The following TTLL5 variants were observed in gnomAD, a reference collection of about 807,000 sequenced individuals.
The protein encoded by TTLL5 is tubulin polyglutamylase TTLL5.
TTLL5 carries 132 observed loss-of-function variants against 168.4 expected under a neutral mutation model. That is an observed-to-expected ratio of 0.78 (90% CI 0.68 to 0.91). The LOEUF (loss-of-function observed/expected upper bound fraction) is 0.91. TTLL5 is among the 40% of genes least tolerant of loss of function. The pLI, the probability that TTLL5 is intolerant of heterozygous loss-of-function variation, is 0.00. For missense variants in TTLL5, 1,545 were observed against 1,581.5 expected, an observed-to-expected ratio of 0.98 and a Z score of 0.39; for synonymous variants, 546 against 558.6, an observed-to-expected ratio of 0.98 and a Z score of 0.32.
chr14:75,707,593 T>G (rs957541441), intron 8 of TTLL5, 30 bp from the exon 9 acceptor site: 1 of 1,597,984 alleles, frequency 6.3e-7, no homozygotes, highest in Non-Finnish European at 8.5e-7. Context: ...ACTTAGTTTT[T>G]TTTTGTGAAT....
intron 5 of TTLL5, chr14:75,684,511 CAT>C (rs1272085779): frequency 3.9e-5 from 6 of 152,154 alleles, no homozygotes; most frequent in Non-Finnish European, 7.3e-5. Flanking sequence ...GATCATTAAA[CAT>C]AATTTTGATG....
chr14:75,733,452 G>A (rs1191693029), intron 13 of TTLL5, among the ~76,000 whole-genome samples: 2 of 151,514 alleles, frequency 1.3e-5, no homozygotes, highest in Admixed American at 6.6e-5. Flanking sequence ...GGTATAACTT[G>A]TATTTTTTTT....
At chr14:75,919,509 T>C (rs960641846) in intron 31 of TTLL5, among the ~76,000 whole-genome samples, 11 of 152,192 alleles carry the variant, frequency 7.2e-5, no homozygotes, top group Non-Finnish European at 1.5e-4. Flanking sequence ...AACTATTCAG[T>C]GGTACCAAGA....
chr14:75,726,662 A>G lies in TTLL5; in HGVS notation c.1043-5676A>G, dbSNP rs771358194. Among the ~76,000 whole-genome samples the G allele has an allele frequency of 4.6e-5, 7 of 152,314 alleles. No individual in the cohort carries two copies. In the East Asian group the frequency reaches 5.8e-4, roughly 13 times the overall value. On this transcript the variant is annotated intron_variant, in intron 12 of 31. Transcript: ENST00000298832. ...AGCAAGAATGTAGTATGCAACATAC[A>G]GTGTCATGACAGGATGTGATATTTT...
At position 75,863,635 on chromosome 14, in the gene TTLL5, A is replaced by T; in HGVS notation, c.3327-32A>T. Reference sequence around the variant, plus strand: ...CTCTAGATTGTTCATACAGCCACTCACTCTAAGAAACCTGCTTGCTTTTCT... The same window carrying T: ...CTCTAGATTGTTCATACAGCCACTCTCTCTAAGAAACCTGCTTGCTTTTCT... On this transcript the variant is annotated intron_variant, in intron 28 of 31. Transcript: ENST00000298832. 5 of 1,559,806 alleles carry T rather than the reference A, an allele frequency of 3.2e-6. No homozygotes were observed. The South Asian group carries it at 6.0e-5, about 19-fold the overall frequency.
At chr14:75,683,490 T>G (rs1005522351) in intron 4 of TTLL5, 60 bp from the exon 5 acceptor site, 1 of 1,368,744 alleles carries the variant, frequency 7.3e-7, no homozygotes, top group African/African-American at 1.4e-5. Context: ...CCATTGCTTT[T>G]CCTGGAGAAG....
intron 27 of TTLL5, among the ~76,000 whole-genome samples, chr14:75,799,325 A>T (rs1893158566): frequency 6.6e-6 from 1 of 152,190 alleles, no homozygotes. Flanking sequence ...TTTGCATGGA[A>T]TATCTTTTTT....
At chr14:75,939,579 G>T (rs1318491304) in intron 31 of TTLL5, among the ~76,000 whole-genome samples, 1 of 152,088 alleles carries the variant, frequency 6.6e-6, no homozygotes, top group Non-Finnish European at 1.5e-5. Flanking sequence ...TAGTAGAGAT[G>T]AGTTTCTCTA....
At chr14:75,785,088 T>C (rs919211566) in intron 26 of TTLL5, among the ~76,000 whole-genome samples, 10 of 152,048 alleles carry the variant, frequency 6.6e-5, no homozygotes, top group Admixed American at 5.9e-4. Context: ...TGATGTCCAG[T>C]TTATCTGTTT....
Position 75,952,642 on chromosome 14 carries a change from T to C in TTLL5, c.3824-1782T>C, listed in dbSNP as rs539165204. ...ACAACTGATGAATGGATAAATGAAA[T>C]GTGGTCTATACACACAATGGAATAT... On this transcript the variant is annotated intron_variant, in intron 31 of 31. Transcript: ENST00000298832. Among the ~76,000 whole-genome samples the C allele has an allele frequency of 2.0e-5, 3 of 152,334 alleles. No individual in the cohort carries two copies. The South Asian group carries it at 6.2e-4, about 32-fold the overall frequency.
chr14:75,679,542 A>G (rs1046969627), intron 3 of TTLL5, among the ~76,000 whole-genome samples: 7 of 152,212 alleles, frequency 4.6e-5, no homozygotes, highest in Non-Finnish European at 1.0e-4. Flanking sequence ...AAGAAAACCA[A>G]TATTCCCTCT....
At chr14:75,779,731 TAAG>T (rs758878937) in intron 24 of TTLL5, 29 bp downstream of exon 24, 43 of 1,578,658 alleles carry the variant, frequency 2.7e-5, no homozygotes, top group African/African-American at 1.1e-4. Context: ...GAACGAAAAA[TAAG>T]AAGAACAAGT....
At chr14:75,732,940 A>C (rs1888636256) in intron 13 of TTLL5, among the ~76,000 whole-genome samples, 1 of 152,220 alleles carries the variant, frequency 6.6e-6, no homozygotes, top group South Asian at 2.1e-4. Flanking sequence ...AGAAGAAAAG[A>C]AACATATTTT....
intron 28 of TTLL5, among the ~76,000 whole-genome samples, chr14:75,832,895 C>T (rs983385865): frequency 6.6e-6 from 1 of 152,120 alleles, no homozygotes. Context: ...TTTCTTAAGT[C>T]TCCCTTCTTC....
Position 75,783,199 on chromosome 14 carries a change from C to G in TTLL5, c.2655C>G (p.Ser885=). 1 of 1,613,924 alleles carries G rather than the reference C, an allele frequency of 6.2e-7. No homozygotes were observed. The part of the protein sequence containing the change: ...KEAKLVYSNS[S]SGPTATLQKI... ...CAAAATTAGTTTATAGCAATTCCTC[C>G]TCTGGTCCTACTGCTACTCTGCAGA... Residue 885 remains serine, a synonymous_variant, in exon 26 of 32, where the codon TCC becomes TCG. Transcript: ENST00000298832.
intron 21 of TTLL5, among the ~76,000 whole-genome samples, chr14:75,772,734 C>A (rs188106587): frequency 2.1e-4 from 32 of 150,526 alleles, no homozygotes; most frequent in Middle Eastern, 3.5e-3. Flanking sequence ...GTGGTGCGAT[C>A]TCAGCTCACT....
chr14:75,811,760 T>C (rs1461615973), intron 27 of TTLL5, among the ~76,000 whole-genome samples: 1 of 152,218 alleles, frequency 6.6e-6, no homozygotes, highest in African/African-American at 2.4e-5. Flanking sequence ...ATAGCTAGGC[T>C]TGTCTTCAAA....
intron 2 of TTLL5, among the ~76,000 whole-genome samples, chr14:75,668,497 C>T (rs755434197): frequency 1.3e-5 from 2 of 152,146 alleles, no homozygotes; most frequent in Non-Finnish European, 2.9e-5. Flanking sequence ...CTTCCTACCT[C>T]CCTGCCCTAA....
rs559945260 is a variant in TTLL5, at chr14:75,830,526, A to G, written c.3326+10365A>G. Among the ~76,000 whole-genome samples the G allele has an allele frequency of 4.5e-4, 68 of 152,312 alleles. 2 individuals are homozygous for G. Among genetic ancestry groups the G allele is most frequent in the Admixed American group, 3.0e-3 (46 of 15,304 alleles). ...ATCCCACAATGTATAACATATTCCA[A>G]AACATCATGGTGTATACCATAAATA... On this transcript the variant is annotated intron_variant, in intron 28 of 31. Transcript: ENST00000298832.
Sources: gnomAD v4.1 joint callset for allele counts (sites outside exome capture counted in the v4.1 genomes callset) on GRCh38, gnomAD v4.1.1 for gene constraint, MANE v1.5 for transcripts, NCBI Gene and HGNC (gene_info 2026-07-23, HGNC 2026-07-21) for gene names.